Variants in SLC2A1 observed in about 807,000 individuals in gnomAD.
SLC2A1 encodes the protein solute carrier family 2, facilitated glucose transporter member 1.
A neutral mutation model predicts 46.6 loss-of-function variants in SLC2A1; 4 were observed. The observed-to-expected ratio is 0.09, with a 90% confidence interval of 0.04 to 0.20. SLC2A1 has a LOEUF of 0.20. Ranked by LOEUF, SLC2A1 falls within the 10% of genes least tolerant of loss-of-function variation. SLC2A1 has a pLI of 1.00. For missense variants in SLC2A1, 352 were observed against 667.0 expected, an observed-to-expected ratio of 0.53 and a Z score of 5.20; for synonymous variants, 253 against 270.0, an observed-to-expected ratio of 0.94 and a Z score of 0.62.
chr1:42,938,292 G>A (rs1353656339), intron 2 of SLC2A1, among the ~76,000 whole-genome samples: 1 of 152,206 alleles, frequency 6.6e-6, no homozygotes, highest in Non-Finnish European at 1.5e-5. Context: ...ACTCACAGCA[G>A]GGCAGGGGCA....
In SLC2A1 at chr1:42,926,993, G is replaced by T. The variant is rs1643433293; in HGVS notation, c.*48C>A. On this transcript the variant is annotated 3_prime_UTR_variant, in exon 10 of 10. Transcript: ENST00000426263. ...CATCCAGCTGCCTGTGCTCCTGAGAGATCCTTAGGGCTGCTGGGAGCAGGC... is the reference window on the plus strand; with the variant it reads ...CATCCAGCTGCCTGTGCTCCTGAGATATCCTTAGGGCTGCTGGGAGCAGGC... The T allele has an allele frequency of 6.2e-7, 1 of 1,600,554 alleles. No homozygotes were observed. The highest frequency in any genetic ancestry group is 8.5e-7 in the Non-Finnish European group (1 of 1,170,766).
In SLC2A1 at chr1:42,927,109, C is replaced by A; in HGVS notation, c.1411G>T (p.Gly471Ter). 6.2e-7 allele frequency: 1 copy of A among 1,614,184 alleles called. No individual in the cohort carries two copies. The change falls in exon 10 of 10, where the codon GGA becomes TGA. Residue 471 changes from glycine (G) to a stop codon, truncating the protein, a stop_gained. Transcript: ENST00000426263. LOFTEE classifies it high-confidence loss of function. The surrounding 1 kb of genome is among the most constrained non-coding windows in gnomAD (Gnocchi z 5.3). ...GGTGTCTTGTCACTTTGGCTGGCTCCCCCCTGCCGGAAGCCGGAAGCGATC... is the reference window on the plus strand; with the variant it reads ...GGTGTCTTGTCACTTTGGCTGGCTCACCCCTGCCGGAAGCCGGAAGCGATC... ...DEIASGFRQG[G>*]ASQSDKTPEE...
In SLC2A1 at chr1:42,958,761, C is replaced by T. The variant is rs1643809855; in HGVS notation, c.-110G>A. 2.6e-6 allele frequency: 3 copies of T among 1,153,490 alleles called. No individual in the cohort carries two copies. The Admixed American group carries it at 6.4e-5, about 24-fold the overall frequency. The allele number at this position is 1,153,490 out of a possible 1,614,324, so 71.5% of individuals were successfully genotyped here. Reference sequence around the variant, plus strand: ...TGCTCCGGTCCGGGGACTCCCACTGCGACTCTGACTCCGACCCCCGTCGTT... The same window carrying T: ...TGCTCCGGTCCGGGGACTCCCACTGTGACTCTGACTCCGACCCCCGTCGTT... On this transcript the variant is annotated 5_prime_UTR_variant, in exon 1 of 10. Coordinates refer to ENST00000426263, the MANE Select transcript of SLC2A1 (RefSeq NM_006516.4).
At chr1:42,928,033 G>A (rs929408506) in intron 8 of SLC2A1, among the ~76,000 whole-genome samples, 3 of 152,234 alleles carry the variant, frequency 2.0e-5, no homozygotes. Flanking sequence ...CCCGCTGGGA[G>A]TGGTAATGTG....
chr1:42,925,529 A>G lies in SLC2A1; in HGVS notation c.*1512T>C, dbSNP rs763728163. The G allele has an allele frequency of 3.9e-5, 6 of 152,478 alleles. No homozygotes were observed. Among genetic ancestry groups the G allele is most frequent in the Non-Finnish European group, 7.3e-5 (5 of 68,212 alleles). 9.4% of individuals were successfully genotyped at this position (152,478 alleles called of 1,614,324 possible). The stretch of plus-strand genomic sequence containing the variant: ...TGGCAGAAAACTGGACTTGTGATGA[A>G]GGAGCAGATGAAGTGCTCTGGAAAT... On this transcript the variant is annotated 3_prime_UTR_variant, in exon 10 of 10. Transcript: ENST00000426263.
chr1:42,951,871 C>G (rs1643724832), intron 1 of SLC2A1: 6 of 400,802 alleles, frequency 1.5e-5, no homozygotes. Context: ...CTTTATATAG[C>G]TGGGAGATGG....
chr1:42,940,398 C>T (rs1004868984), intron 2 of SLC2A1, among the ~76,000 whole-genome samples: 2 of 152,232 alleles, frequency 1.3e-5, no homozygotes, highest in African/African-American at 4.8e-5. Flanking sequence ...CCACCAGTGT[C>T]TATTACTATG....
intron 2 of SLC2A1, among the ~76,000 whole-genome samples, chr1:42,940,475 A>T (rs949148847): frequency 5.9e-5 from 9 of 152,280 alleles, no homozygotes; most frequent in Admixed American, 2.0e-4. Flanking sequence ...TGGCCCTTCG[A>T]TGGCTTACAT....
At position 42,929,990 on chromosome 1, in the gene SLC2A1, G is replaced by A; in HGVS notation, c.562C>T (p.Leu188=). The change falls in exon 5 of 10, where the codon CTG becomes TTG. Residue 188 remains leucine (L), a synonymous_variant. Transcript: ENST00000426263. This position sits in a 1 kb window ranked among gnomAD's most constrained non-coding sequence, Gnocchi z 6.0. Reference sequence around the variant, plus strand: ...GGGATGAAGATGATGCTCAGCAGCAGGGGCCACAGGTCCTTGTTGCCCATG... The same window carrying A: ...GGGATGAAGATGATGCTCAGCAGCAAGGGCCACAGGTCCTTGTTGCCCATG... ...SIMGNKDLWP[L]LLSIIFIPAL... 6.2e-7 allele frequency: 1 copy of A among 1,614,148 alleles called. No individual in the cohort carries two copies. Among genetic ancestry groups the A allele is most frequent in the East Asian group, 2.2e-5 (1 of 44,880 alleles).
intron 1 of SLC2A1, among the ~76,000 whole-genome samples, chr1:42,955,028 T>G (rs1643758795): frequency 6.6e-6 from 1 of 152,108 alleles, no homozygotes; most frequent in Admixed American, 6.5e-5. Context: ...CTAGGAAGAA[T>G]GGGTTAGTGG....
chr1:42,938,844 CCT>C (rs1217700111), intron 2 of SLC2A1, among the ~76,000 whole-genome samples: 1 of 152,210 alleles, frequency 6.6e-6, no homozygotes, highest in Non-Finnish European at 1.5e-5. Flanking sequence ...TTTAATCTCC[CCT>C]GTCACCCCAG....
intron 2 of SLC2A1, among the ~76,000 whole-genome samples, chr1:42,935,571 T>G (rs182231082): frequency 1.2e-3 from 189 of 152,282 alleles, no homozygotes; most frequent in African/African-American, 3.9e-3. Flanking sequence ...GTTTTCCATT[T>G]TGAAATTGCC....
intron 2 of SLC2A1, among the ~76,000 whole-genome samples, chr1:42,934,063 GAA>G (rs1643518622): frequency 6.6e-6 from 1 of 152,224 alleles, no homozygotes; most frequent in South Asian, 2.1e-4. Flanking sequence ...TGTATACAAA[GAA>G]AGAGTAAATA....
intron 1 of SLC2A1, among the ~76,000 whole-genome samples, chr1:42,946,003 G>C (rs1327796913): frequency 6.6e-6 from 1 of 152,184 alleles, no homozygotes; most frequent in Admixed American, 6.5e-5. Flanking sequence ...CCATGGATCT[G>C]GCAAAAATTA....
At position 42,958,735 on chromosome 1, in the gene SLC2A1, G is replaced by C. The variant is rs1183372346; in HGVS notation, c.-84C>G. On this transcript the variant is annotated 5_prime_UTR_variant, in exon 1 of 10. Transcript: ENST00000426263. ...GAGCGGCGCTCTCCCGCTCAGGCTCGTGCTCCGGTCCGGGGACTCCCACTG... is the reference window on the plus strand; with the variant it reads ...GAGCGGCGCTCTCCCGCTCAGGCTCCTGCTCCGGTCCGGGGACTCCCACTG... The C allele has an allele frequency of 3.5e-6, 5 of 1,419,848 alleles. No homozygotes were observed. The highest frequency in any genetic ancestry group is 3.8e-6 in the Non-Finnish European group (4 of 1,047,744). 88.0% of individuals were successfully genotyped at this position (1,419,848 alleles called of 1,614,324 possible). A position where few individuals can be genotyped will look rare whatever the true frequency, so the allele number is the denominator to read the frequency against.
intron 1 of SLC2A1, among the ~76,000 whole-genome samples, chr1:42,953,508 T>C (rs1373496687): frequency 1.3e-5 from 2 of 152,224 alleles, no homozygotes; most frequent in Admixed American, 6.5e-5. Flanking sequence ...TCCGCCATCA[T>C]GGGGACGTCG....
At position 42,927,573 on chromosome 1, in the gene SLC2A1, C is replaced by T. The variant is rs996703788; in HGVS notation, c.1278+32G>A. 1.7e-5 allele frequency: 11 copies of T among 656,752 alleles called. No individual in the cohort carries two copies. Among genetic ancestry groups the T allele is most frequent in the South Asian group, 9.0e-5 (4 of 44,680 alleles). 40.7% of individuals were successfully genotyped at this position (656,752 alleles called of 1,614,324 possible). On this transcript the variant is annotated intron_variant, in intron 9 of 9. Coordinates refer to ENST00000426263, the MANE Select transcript of SLC2A1 (RefSeq NM_006516.4). This position sits in a 1 kb window ranked among gnomAD's most constrained non-coding sequence, Gnocchi z 5.3. ...GCACAGCACTGTGGGGTCATGCGTG[C>T]GGGTGAGTATAGAGACAGTGGGGGT...
At chr1:42,932,082 C>T (rs1037007869) in intron 2 of SLC2A1, among the ~76,000 whole-genome samples, 28 of 152,304 alleles carry the variant, frequency 1.8e-4, no homozygotes, top group African/African-American at 5.5e-4. Context: ...GAAAGACTCA[C>T]GCTGTGGCTT....
At position 42,926,657 on chromosome 1, in the gene SLC2A1, A is replaced by G. The variant is rs1490403187; in HGVS notation, c.*384T>C. The G allele has an allele frequency of 1.6e-6, 2 of 1,275,160 alleles. No homozygotes were observed. The highest frequency in any genetic ancestry group is 5.3e-5 in the East Asian group (1 of 19,038). 79.0% of individuals were successfully genotyped at this position (1,275,160 alleles called of 1,614,324 possible). ...TAGTGTGTCCTTAGGACATAGGTCC[A>G]GCCCTACAGATTAGCTGGGTGAAGA... On this transcript the variant is annotated 3_prime_UTR_variant, in exon 10 of 10. Coordinates refer to ENST00000426263, the MANE Select transcript of SLC2A1 (RefSeq NM_006516.4).
Sources: allele counts gnomAD v4.1 joint callset (sites outside exome capture counted in the v4.1 genomes callset), GRCh38; gene constraint gnomAD v4.1.1; non-coding constraint Gnocchi (gnomAD v3.1); transcripts MANE v1.5; gene names NCBI Gene and HGNC (gene_info 2026-07-23, HGNC 2026-07-21).